The following DHX57 variants were observed in gnomAD, a reference collection of about 807,000 sequenced individuals.
The protein encoded by DHX57 is putative ATP-dependent RNA helicase DHX57.
A neutral mutation model predicts 156.2 loss-of-function variants in DHX57; 105 were observed. The observed-to-expected ratio is 0.67, with a 90% confidence interval of 0.57 to 0.79. The LOEUF (loss-of-function observed/expected upper bound fraction) is 0.79, where lower values mean the gene tolerates loss of function less well. Among genes scored for constraint, DHX57 ranks in the 30% least tolerant of loss-of-function variants. The pLI is 0.00. For missense variants in DHX57, 1,847 were observed against 1,661.9 expected, an observed-to-expected ratio of 1.11 and a Z score of -1.94; for synonymous variants, 704 against 595.6, an observed-to-expected ratio of 1.18 and a Z score of -2.65.
chr2:38,816,390 T>G lies in DHX57; in HGVS notation c.3472-735A>C, dbSNP rs530362203. ...CCACCACGCCCAGCCAATTTTTGTATTTTTAGTAGAGACGGAGGTTTCACC... is the reference window on the plus strand; with the variant it reads ...CCACCACGCCCAGCCAATTTTTGTAGTTTTAGTAGAGACGGAGGTTTCACC... On this transcript the variant is annotated intron_variant, in intron 19 of 23. Coordinates refer to ENST00000457308, the MANE Select transcript of DHX57 (RefSeq NM_198963.3). 2.8e-3 allele frequency among the ~76,000 whole-genome samples: 421 copies of G among 151,924 alleles called. 2 individuals are homozygous for G. The highest frequency in any genetic ancestry group is 9.8e-3 in the African/African-American group (405 of 41,414).
intron 21 of DHX57, chr2:38,810,565 C>G (rs943222473): frequency 1.7e-6 from 1 of 582,320 alleles, no homozygotes; most frequent in Admixed American, 2.0e-5. Context: ...CTGCTCTCCA[C>G]TGTAGAGAGA....
chr2:38,807,293 G>GATCT, intron 21 of DHX57, among the ~76,000 whole-genome samples: 1 of 152,002 alleles, frequency 6.6e-6, no homozygotes, highest in Non-Finnish European at 1.5e-5. Flanking sequence ...GACCTCAAGC[G>GATCT]ATCTGCCTGC....
chr2:38,860,104 C>A (rs1014661925), intron 5 of DHX57, among the ~76,000 whole-genome samples: 11 of 151,818 alleles, frequency 7.2e-5, no homozygotes, highest in African/African-American at 2.7e-4. Flanking sequence ...CAGGCATGAG[C>A]CACCACACCC....
At position 38,847,058 on chromosome 2, in the gene DHX57, A is replaced by G. The variant is rs1672325800; in HGVS notation, c.2180T>C (p.Val727Ala). 2 of 1,613,672 alleles carry G rather than the reference A, an allele frequency of 1.2e-6. No homozygotes were observed. The highest frequency in any genetic ancestry group is 1.3e-5 in the African/African-American group (1 of 74,906). The change falls in exon 11 of 24, where the codon GTT becomes GCT. Residue 727 changes from valine (V) to alanine (A), a missense_variant. Val to Ala is a moderately conservative substitution (Grantham distance 64). Coordinates refer to ENST00000457308, the MANE Select transcript of DHX57 (RefSeq NM_198963.3). Reference sequence around the variant, plus strand: ...TGCATCTTCCAAAAAAAATTGATCAACAGGAAATGTACGACCTAGAAAAAC... The same window carrying G: ...TGCATCTTCCAAAAAAAATTGATCAGCAGGAAATGTACGACCTAGAAAAAC... Reference protein sequence around the residue: ...VITIPGRTFPVDQFFLEDAIA... With the variant: ...VITIPGRTFPADQFFLEDAIA...
intron 1 of DHX57, among the ~76,000 whole-genome samples, chr2:38,874,570 C>T (rs933416393): frequency 2.0e-5 from 3 of 151,964 alleles, no homozygotes; most frequent in East Asian, 1.9e-4. Flanking sequence ...CCACCATGCC[C>T]GGCTAATTTT....
chr2:38,850,332 G>C (rs1325415878), intron 9 of DHX57, among the ~76,000 whole-genome samples: 1 of 152,104 alleles, frequency 6.6e-6, no homozygotes, highest in East Asian at 1.9e-4. Context: ...ACCCAGGCTG[G>C]AGTGCAGTGG....
In DHX57 at chr2:38,875,839, G is replaced by C. The variant is rs1665590059; in HGVS notation, c.-59C>G. On this transcript the variant is annotated 5_prime_UTR_variant, in exon 1 of 24. Coordinates refer to ENST00000457308, the MANE Select transcript of DHX57 (RefSeq NM_198963.3). ...GGCTGTCGGGAGGTGCTGCCCAAGG[G>C]TCAGAGGTCCAAACTGGACTTGGCC... The C allele has an allele frequency of 2.5e-6, 1 of 393,046 alleles. No homozygotes were observed. The highest frequency in any genetic ancestry group is 2.1e-5 in the African/African-American group (1 of 48,508). The allele number at this position is 393,046 out of a possible 1,614,324, so 24.3% of individuals were successfully genotyped here. A position where few individuals can be genotyped will look rare whatever the true frequency, so the allele number is the denominator to read the frequency against.
At chr2:38,805,077 G>T (rs1669875931) in intron 22 of DHX57, among the ~76,000 whole-genome samples, 1 of 152,128 alleles carries the variant, frequency 6.6e-6, no homozygotes, top group Non-Finnish European at 1.5e-5. Context: ...ATATTACATG[G>T]ATACATGAAC....
chr2:38,806,704 A>G lies in DHX57; in HGVS notation c.3682-11T>C. ...TTCTGGGCTTTTCACCTAAACAACA[A>G]GTATTTGTAAAAATAGACATATAAT... On this transcript the variant is annotated splice_polypyrimidine_tract_variant and intron_variant, in intron 21 of 23. Coordinates refer to ENST00000457308, the MANE Select transcript of DHX57 (RefSeq NM_198963.3). 2 of 1,612,016 alleles carry G rather than the reference A, an allele frequency of 1.2e-6. No individual in the cohort carries two copies. Among genetic ancestry groups the G allele is most frequent in the African/African-American group, 1.3e-5 (1 of 74,848 alleles).
chr2:38,808,164 A>G (rs1005117681), intron 21 of DHX57, among the ~76,000 whole-genome samples: 2 of 148,872 alleles, frequency 1.3e-5, no homozygotes, highest in African/African-American at 2.5e-5. Flanking sequence ...CATGTTGGTC[A>G]GGATGGTCTC....
intron 21 of DHX57, among the ~76,000 whole-genome samples, chr2:38,808,989 G>C (rs954926037): frequency 2.0e-5 from 3 of 151,928 alleles, no homozygotes; most frequent in Non-Finnish European, 4.4e-5. Flanking sequence ...GCTATACACA[G>C]GCACAGTCAT....
At chr2:38,862,090 G>T in intron 4 of DHX57, 55 bp downstream of exon 4, 1 of 1,526,186 alleles carries the variant, frequency 6.6e-7, no homozygotes, top group South Asian at 1.3e-5. Flanking sequence ...GGGTTTATAT[G>T]ATTTCGGTTT....
At chr2:38,833,813 C>G (rs1390249134) in intron 13 of DHX57, among the ~76,000 whole-genome samples, 1 of 151,552 alleles carries the variant, frequency 6.6e-6, no homozygotes, top group Non-Finnish European at 1.5e-5. Flanking sequence ...AAAAAACTAG[C>G]ACACAAACTG....
chr2:38,856,664 C>T (rs541726169), intron 6 of DHX57: 77 of 511,722 alleles, frequency 1.5e-4, no homozygotes, highest in Non-Finnish European at 1.6e-4. Flanking sequence ...CCACTATACC[C>T]GGCTTTTTGT....
intron 17 of DHX57, 104 bp downstream of exon 17, chr2:38,822,889 G>A (rs1019924525): frequency 7.7e-7 from 1 of 1,306,068 alleles, no homozygotes; most frequent in Non-Finnish European, 1.0e-6. Context: ...TAACATACAA[G>A]CAAATTTTTA....
rs2124889971 is a variant in DHX57 at position 38,847,007 on chromosome 2, T to A, written c.2219+12A>T. The A allele has an allele frequency of 6.2e-7, 1 of 1,608,034 alleles. No homozygotes were observed. The highest frequency in any genetic ancestry group is 2.2e-5 in the East Asian group (1 of 44,802). ...GGTCCTTTCACTGAATCTTAATTAA[T>A]ATCTTCCTTACCTTGTCACAGCAAT... On this transcript the variant is annotated intron_variant, in intron 11 of 23. Coordinates refer to ENST00000457308, the MANE Select transcript of DHX57 (RefSeq NM_198963.3).
intron 19 of DHX57, among the ~76,000 whole-genome samples, chr2:38,816,678 C>A (rs78534651): frequency 6.6e-6 from 1 of 152,222 alleles, no homozygotes; most frequent in East Asian, 1.9e-4. Context: ...GCAACACTAC[C>A]CTGTCTCTCA....
intron 17 of DHX57, 60 bp downstream of exon 17, chr2:38,822,933 C>T: frequency 6.5e-7 from 1 of 1,541,348 alleles, no homozygotes. Flanking sequence ...CCCCCATGGT[C>T]CCCTTAGAGA....
At chr2:38,802,330 G>A (rs542828394) in intron 23 of DHX57, among the ~76,000 whole-genome samples, 6 of 147,438 alleles carry the variant, frequency 4.1e-5, no homozygotes, top group South Asian at 2.1e-4. Flanking sequence ...CTCTGTTGCC[G>A]AGGCTGGAGT....
Sources: allele counts gnomAD v4.1 joint callset (sites outside exome capture counted in the v4.1 genomes callset), GRCh38; gene constraint gnomAD v4.1.1; transcripts MANE v1.5; gene names NCBI Gene and HGNC (gene_info 2026-07-23, HGNC 2026-07-21).